Variants in KCNK12 observed in about 807,000 individuals in gnomAD.
KCNK12 encodes the protein potassium channel subfamily K member 12.
KCNK12 carries 6 observed loss-of-function variants against 25.3 expected under a neutral mutation model. The ratio of observed to expected loss-of-function variants is 0.24; its 90% CI spans 0.13 to 0.47. KCNK12 has a LOEUF of 0.47. Ranked by LOEUF, KCNK12 falls within the 20% of genes least tolerant of loss-of-function variation. The pLI, the probability that KCNK12 is intolerant of heterozygous loss-of-function variation, is 0.99. For synonymous variants in KCNK12, 331 were observed against 311.1 expected, an observed-to-expected ratio of 1.06 and a Z score of -0.67; for missense variants, 444 against 661.7, an observed-to-expected ratio of 0.67 and a Z score of 3.61.
At position 47,512,199 on chromosome 2, in the gene KCNK12, G is replaced by A. The variant is rs940349249; in HGVS notation, c.*8708C>T. The A allele has an allele frequency of 2.2e-5, 30 of 1,380,764 alleles. No individual in the cohort carries two copies. The highest frequency in any genetic ancestry group is 1.2e-4 in the East Asian group (5 of 41,774). The allele number at this position is 1,380,764 out of a possible 1,614,324, so 85.5% of individuals were successfully genotyped here. On this transcript the variant is annotated 3_prime_UTR_variant, in exon 2 of 2. Transcript: ENST00000327876. Reference sequence around the variant, plus strand: ...TGGAGAAAAAAGAATTGAACAAACTGTCTAAGCTGGGTCAGGTACTCTGCA... The same window carrying A: ...TGGAGAAAAAAGAATTGAACAAACTATCTAAGCTGGGTCAGGTACTCTGCA...
intron 1 of KCNK12, among the ~76,000 whole-genome samples, chr2:47,552,060 G>A (rs1319214488): frequency 2.6e-5 from 4 of 152,164 alleles, no homozygotes; most frequent in South Asian, 2.1e-4. Context: ...ATTTATCAGC[G>A]TGCTGGCTCC....
intron 1 of KCNK12, among the ~76,000 whole-genome samples, chr2:47,554,537 G>T (rs769777464): frequency 4.6e-5 from 7 of 152,168 alleles, no homozygotes; most frequent in Non-Finnish European, 7.3e-5. Flanking sequence ...GTCTGATCTG[G>T]GTAAGTCCAG....
chr2:47,552,070 C>T (rs749327731), intron 1 of KCNK12, among the ~76,000 whole-genome samples: 5 of 152,022 alleles, frequency 3.3e-5, no homozygotes, highest in South Asian at 4.2e-4. Flanking sequence ...GTGCTGGCTC[C>T]GAGTCTGCAG....
rs1275984869 is a variant in KCNK12, at chr2:47,515,876, CTG to C, written c.*5029_*5030del. The stretch of plus-strand genomic sequence containing the variant: ...GGAAGAACTTCATCCCCAGCTGACA[CTG>C]TGGGAAGGACCCCATGCAGAAGCAA... On this transcript the variant is annotated 3_prime_UTR_variant, in exon 2 of 2. Transcript: ENST00000327876. Among the ~76,000 whole-genome samples the C allele has an allele frequency of 6.6e-6, 1 of 152,192 alleles. No individual in the cohort carries two copies. Among genetic ancestry groups the C allele is most frequent in the African/African-American group, 2.4e-5 (1 of 41,438 alleles).
chr2:47,568,203 G>A (rs1325086746), intron 1 of KCNK12, among the ~76,000 whole-genome samples: 1 of 152,030 alleles, frequency 6.6e-6, no homozygotes, highest in African/African-American at 2.4e-5. Flanking sequence ...TGGAAGAAAG[G>A]GAAAGGGCGT....
chr2:47,559,543 C>A (rs370160635), intron 1 of KCNK12, among the ~76,000 whole-genome samples: 1 of 152,166 alleles, frequency 6.6e-6, no homozygotes, highest in Non-Finnish European at 1.5e-5. Context: ...TGCTGCACTT[C>A]GAAGTAGTCA....
At chr2:47,537,456 G>A (rs1669098545) in intron 1 of KCNK12, among the ~76,000 whole-genome samples, 1 of 151,576 alleles carries the variant, frequency 6.6e-6, no homozygotes, top group African/African-American at 2.4e-5. Context: ...TCAGCCTCCT[G>A]AGTAGCTGGG....
intron 1 of KCNK12, among the ~76,000 whole-genome samples, chr2:47,546,747 A>T (rs183243574): frequency 3.3e-4 from 50 of 152,328 alleles, no homozygotes; most frequent in Admixed American, 2.7e-3. Flanking sequence ...TATTTAAATG[A>T]TGGTAAAAGG....
Position 47,509,734 on chromosome 2 carries a change from T to C in KCNK12, c.*11173A>G, listed in dbSNP as rs1668355171. Among the ~76,000 whole-genome samples the C allele has an allele frequency of 6.6e-6, 1 of 152,212 alleles. No individual in the cohort carries two copies. Among genetic ancestry groups the C allele is most frequent in the East Asian group, 1.9e-4 (1 of 5,192 alleles). ...CTGGACTGGATTCTATTGCATTAACTTGACCCTGACTCATGCCGCCAGGCC... is the reference window on the plus strand; with the variant it reads ...CTGGACTGGATTCTATTGCATTAACCTGACCCTGACTCATGCCGCCAGGCC... On this transcript the variant is annotated 3_prime_UTR_variant, in exon 2 of 2. Coordinates refer to ENST00000327876, the MANE Select transcript of KCNK12 (RefSeq NM_022055.2).
At chr2:47,559,888 G>A (rs1669628300) in intron 1 of KCNK12, among the ~76,000 whole-genome samples, 1 of 152,206 alleles carries the variant, frequency 6.6e-6, no homozygotes, top group Non-Finnish European at 1.5e-5. Context: ...GGAAGGGAAG[G>A]GCATTCCAGG....
Position 47,510,092 on chromosome 2 carries a change from A to C in KCNK12, c.*10815T>G, listed in dbSNP as rs114677898. 1.8e-4 allele frequency: 28 copies of C among 152,330 alleles called. No homozygotes were observed. Among genetic ancestry groups the C allele is most frequent in the African/African-American group, 6.7e-4 (28 of 41,564 alleles). The allele number at this position is 152,330 out of a possible 1,614,324, so 9.4% of individuals were successfully genotyped here. On this transcript the variant is annotated 3_prime_UTR_variant, in exon 2 of 2. Transcript: ENST00000327876. ...TCAATGAGATGCAGCAGAAAGTCCTAGGGAGGTCTAGGAAAAGTCCTGTTG... is the reference window on the plus strand; with the variant it reads ...TCAATGAGATGCAGCAGAAAGTCCTCGGGAGGTCTAGGAAAAGTCCTGTTG...
rs189013037 is a variant in KCNK12, at chr2:47,518,068, A to G, written c.*2839T>C. ...GCTCTTTCTTGGCCTGAGGTTCAGA[A>G]GAACCTGCACCAAAGAAAGGCATCC... On this transcript the variant is annotated 3_prime_UTR_variant, in exon 2 of 2. Coordinates refer to ENST00000327876, the MANE Select transcript of KCNK12 (RefSeq NM_022055.2). The surrounding 1 kb of genome is among the most constrained non-coding windows in gnomAD (Gnocchi z 4.1). 5.9e-5 allele frequency: 9 copies of G among 152,318 alleles called. No individual in the cohort carries two copies. The highest frequency in any genetic ancestry group is 4.4e-5 in the Non-Finnish European group (3 of 68,036). The allele number at this position is 152,318 out of a possible 1,614,324, so 9.4% of individuals were successfully genotyped here. A position where few individuals can be genotyped will look rare whatever the true frequency, so the allele number is the denominator to read the frequency against.
rs1275809754 is a variant in KCNK12, at chr2:47,538,606, A to C, written c.392-16798T>G. ...GCCAACATGGTGAAACCCCGTCTCT[A>C]CTAAAAATACAAAAATTAGCCAGGC... On this transcript the variant is annotated intron_variant, in intron 1 of 1. Transcript: ENST00000327876. The surrounding 1 kb of genome is among the most constrained non-coding windows in gnomAD (Gnocchi z 4.5). Among the ~76,000 whole-genome samples the C allele has an allele frequency of 6.6e-6, 1 of 152,198 alleles. No homozygotes were observed. Among genetic ancestry groups the C allele is most frequent in the East Asian group, 1.9e-4 (1 of 5,196 alleles).
At chr2:47,535,808 G>A (rs957649416) in intron 1 of KCNK12, among the ~76,000 whole-genome samples, 14 of 152,226 alleles carry the variant, frequency 9.2e-5, no homozygotes, top group African/African-American at 2.9e-4. Flanking sequence ...ATCATACTGC[G>A]CCAGGGTACT....
Position 47,557,893 on chromosome 2 carries a change from ATGCAGC to A in KCNK12, c.391+12042_391+12047del, listed in dbSNP as rs1456028187. Among the ~76,000 whole-genome samples, 2 of 152,206 alleles carry A rather than the reference ATGCAGC, an allele frequency of 1.3e-5. No individual in the cohort carries two copies. The highest frequency in any genetic ancestry group is 4.8e-5 in the African/African-American group (2 of 41,430). On this transcript the variant is annotated intron_variant, in intron 1 of 1. Transcript: ENST00000327876. This position sits in a 1 kb window ranked among gnomAD's most constrained non-coding sequence, Gnocchi z 4.9. ...TAGAAACGGCAGTAAGGTGGACTTC[ATGCAGC>A]TGCTGGGTTCCTGACATTGGTTACA...
chr2:47,544,609 C>T (rs1322403307), intron 1 of KCNK12, among the ~76,000 whole-genome samples: 1 of 152,214 alleles, frequency 6.6e-6, no homozygotes, highest in Non-Finnish European at 1.5e-5. Flanking sequence ...TCAGTATGAG[C>T]ACTCTGTAAT....
At chr2:47,532,912 T>C (rs1668966518) in intron 1 of KCNK12, among the ~76,000 whole-genome samples, 1 of 152,254 alleles carries the variant, frequency 6.6e-6, no homozygotes, top group Non-Finnish European at 1.5e-5. Flanking sequence ...GGTTTCAGGC[T>C]CTGGCGCCTC....
rs965475957 is a variant in KCNK12 at position 47,551,220 on chromosome 2, A to C, written c.391+18721T>G. ...GGCTTCCTTGCGGCTCCTCCAGCAA[A>C]CCCTGCAAGCTCCTCCTAAGGGACC... On this transcript the variant is annotated intron_variant, in intron 1 of 1. Transcript: ENST00000327876. The surrounding 1 kb of genome is among the most constrained non-coding windows in gnomAD (Gnocchi z 5.3). Among the ~76,000 whole-genome samples the C allele has an allele frequency of 1.3e-5, 2 of 151,904 alleles. No individual in the cohort carries two copies. Among genetic ancestry groups the C allele is most frequent in the Non-Finnish European group, 2.9e-5 (2 of 67,976 alleles).
Position 47,569,942 on chromosome 2 carries a change from T to C in KCNK12, c.390A>G (p.Ile130Met). The C allele has an allele frequency of 7.1e-7, 1 of 1,408,028 alleles. No homozygotes were observed. The highest frequency in any genetic ancestry group is 9.3e-7 in the Non-Finnish European group (1 of 1,079,422). 87.2% of individuals were successfully genotyped at this position (1,408,028 alleles called of 1,614,324 possible). The change falls in exon 1 of 2, where the codon ATA (isoleucine) becomes ATG (methionine). Residue 130 changes from isoleucine to methionine, a missense_variant and splice_region_variant. Ile to Met is a conservative substitution (Grantham distance 10, BLOSUM62 1). Coordinates refer to ENST00000327876, the MANE Select transcript of KCNK12 (RefSeq NM_022055.2). This position sits in a 1 kb window ranked among gnomAD's most constrained non-coding sequence, Gnocchi z 4.1. ...FYFVGTVVST[I>M]GFGMTTPATV... ...ATGCGCGGGGGACGCGCCGCTCACC[T>C]ATGGTTGACACCACGGTGCCCACGA...
Sources: gnomAD v4.1 joint callset for allele counts (sites outside exome capture counted in the v4.1 genomes callset) on GRCh38, gnomAD v4.1.1 for gene constraint, Gnocchi (gnomAD v3.1) non-coding constraint, MANE v1.5 for transcripts, NCBI Gene and HGNC (gene_info 2026-07-23, HGNC 2026-07-21) for gene names.